The following TGFBR3 variants were observed in gnomAD, a reference collection of about 807,000 sequenced individuals.
TGFBR3 encodes transforming growth factor beta receptor type 3.
A neutral mutation model predicts 87.9 loss-of-function variants in TGFBR3; 46 were observed. The ratio of observed to expected loss-of-function variants is 0.52; its 90% CI spans 0.41 to 0.67. TGFBR3 has a LOEUF of 0.67. TGFBR3 is among the 30% of genes least tolerant of loss of function. TGFBR3 has a pLI of 0.00. For missense variants in TGFBR3, 866 were observed against 1,041.9 expected (o/e 0.83, Z 2.32); for synonymous variants, 381 against 391.6 (o/e 0.97, Z 0.32).
chr1:91,753,059 G>T (rs959667215), intron 4 of TGFBR3, among the ~76,000 whole-genome samples: 1 of 150,992 alleles, frequency 6.6e-6, no homozygotes, highest in Non-Finnish European at 1.5e-5. Flanking sequence ...AAAAAAATCA[G>T]GTACATGGAA....
intron 4 of TGFBR3, among the ~76,000 whole-genome samples, chr1:91,740,661 G>A (rs72714493): frequency 0.19 from 29,384 of 152,108 alleles, 3,327 homozygotes; most frequent in South Asian, 0.33. Flanking sequence ...CACTGTGCCC[G>A]GTCACAGGAT....
intron 15 of TGFBR3, among the ~76,000 whole-genome samples, chr1:91,697,666 T>A (rs982906232): frequency 1.3e-5 from 2 of 152,248 alleles, no homozygotes; most frequent in Non-Finnish European, 2.9e-5. Flanking sequence ...GTCTTGAAAG[T>A]ATAGCAATGA....
At chr1:91,810,002 T>G (rs1474246544) in intron 2 of TGFBR3, among the ~76,000 whole-genome samples, 1 of 152,036 alleles carries the variant, frequency 6.6e-6, no homozygotes. Context: ...AGACTGGGTC[T>G]TAGAGAGACA....
At chr1:91,781,961 C>A (rs1461505455) in intron 3 of TGFBR3, among the ~76,000 whole-genome samples, 4 of 152,154 alleles carry the variant, frequency 2.6e-5, no homozygotes, top group Non-Finnish European at 5.9e-5. Flanking sequence ...ACAAAAGATT[C>A]TTTTAGAAAA....
intron 4 of TGFBR3, among the ~76,000 whole-genome samples, chr1:91,745,824 A>G (rs978245547): frequency 6.6e-6 from 1 of 152,220 alleles, no homozygotes; most frequent in Non-Finnish European, 1.5e-5. Context: ...CTGTGAACCT[A>G]GGTTCATAAT....
chr1:91,813,843 T>C (rs894653303), intron 2 of TGFBR3, among the ~76,000 whole-genome samples: 3 of 152,216 alleles, frequency 2.0e-5, no homozygotes, highest in Admixed American at 6.5e-5. Context: ...GGTTTTGGGA[T>C]GGAACTGTTC....
At chr1:91,842,005 G>GT (rs1373620923) in intron 2 of TGFBR3, among the ~76,000 whole-genome samples, 1 of 151,536 alleles carries the variant, frequency 6.6e-6, no homozygotes, top group African/African-American at 2.4e-5. Flanking sequence ...AGAGGCTAAG[G>GT]TAAGAGGATC....
intron 14 of TGFBR3, among the ~76,000 whole-genome samples, chr1:91,702,084 G>A (rs1671638832): frequency 6.6e-6 from 1 of 152,128 alleles, no homozygotes; most frequent in South Asian, 2.1e-4. Context: ...CTACTAGCAT[G>A]TAGTGGGTAG....
chr1:91,681,982 T>A lies in TGFBR3; in HGVS notation c.*1757A>T. ...GGAAATCTAGAAATTTTTCAGTAGA[T>A]CAATGTAGATAGCCTGGAAATCTCA... On this transcript the variant is annotated 3_prime_UTR_variant, in exon 17 of 17. Transcript: ENST00000212355. 2.2e-6 allele frequency: 1 copy of A among 453,726 alleles called. No individual in the cohort carries two copies. Among genetic ancestry groups the A allele is most frequent in the Non-Finnish European group, 4.4e-6 (1 of 226,712 alleles). 28.1% of individuals were successfully genotyped at this position (453,726 alleles called of 1,614,324 possible).
chr1:91,696,332 G>A (rs1671433384), intron 15 of TGFBR3, among the ~76,000 whole-genome samples: 1 of 152,086 alleles, frequency 6.6e-6, no homozygotes, highest in Non-Finnish European at 1.5e-5. Context: ...CTATTCCTGT[G>A]GATTATAACA....
intron 4 of TGFBR3, among the ~76,000 whole-genome samples, chr1:91,756,790 T>C (rs1340869117): frequency 6.6e-6 from 1 of 152,220 alleles, no homozygotes; most frequent in Non-Finnish European, 1.5e-5. Flanking sequence ...TACAAAGGAC[T>C]CTACTATACC....
In TGFBR3 at chr1:91,777,107, AG is replaced by A. The variant is rs1390916290; in HGVS notation, c.247-18358del. Among the ~76,000 whole-genome samples, 5 of 152,314 alleles carry A rather than the reference AG, an allele frequency of 3.3e-5. No homozygotes were observed. The East Asian group carries it at 9.6e-4, about 29-fold the overall frequency. On this transcript the variant is annotated intron_variant, in intron 3 of 16. Coordinates refer to ENST00000212355, the MANE Select transcript of TGFBR3 (RefSeq NM_003243.5). ...GTACCTTCCAAAAAAATAGGAACAT[AG>A]GAAGTGCCAAAGCAAGGAACTGCTT...
chr1:91,829,562 T>C (rs1263213630), intron 2 of TGFBR3, among the ~76,000 whole-genome samples: 2 of 151,996 alleles, frequency 1.3e-5, no homozygotes, highest in Non-Finnish European at 2.9e-5. Context: ...ACCCAGAACA[T>C]AGCAGTCCCC....
chr1:91,737,831 C>A (rs1230394880), intron 4 of TGFBR3, among the ~76,000 whole-genome samples: 1 of 152,168 alleles, frequency 6.6e-6, no homozygotes, highest in Non-Finnish European at 1.5e-5. Flanking sequence ...TCAAGGTCTC[C>A]AGGTATGGTC....
In TGFBR3 at chr1:91,716,709, C is replaced by T; in HGVS notation, c.1567-1G>A. On this transcript the variant is annotated splice_acceptor_variant, in intron 10 of 16. Transcript: ENST00000212355. LOFTEE classifies it high-confidence loss of function. ...CAAGGGCTGGAACCTGTATCACAAT[C>T]TAAAAGGCAAAGAAAGCACAGCCAA... 1 of 1,614,120 alleles carries T rather than the reference C, an allele frequency of 6.2e-7. No homozygotes were observed. The highest frequency in any genetic ancestry group is 8.5e-7 in the Non-Finnish European group (1 of 1,180,020).
At chr1:91,796,541 G>T (rs1191720088) in intron 3 of TGFBR3, among the ~76,000 whole-genome samples, 1 of 152,124 alleles carries the variant, frequency 6.6e-6, no homozygotes, top group East Asian at 1.9e-4. Context: ...ACAAAGTACC[G>T]CCATCTTTAT....
intron 2 of TGFBR3, among the ~76,000 whole-genome samples, chr1:91,892,712 T>C (rs1679475124): frequency 6.6e-6 from 1 of 152,212 alleles, no homozygotes; most frequent in Non-Finnish European, 1.5e-5. Flanking sequence ...CTGTGCTTGA[T>C]TGTTTCGTAA....
chr1:91,900,383 G>A (rs1219212093), intron 1 of TGFBR3, among the ~76,000 whole-genome samples: 1 of 152,068 alleles, frequency 6.6e-6, no homozygotes, highest in Non-Finnish European at 1.5e-5. Flanking sequence ...CAAAGTGCTG[G>A]GATTACAGGT....
intron 14 of TGFBR3, among the ~76,000 whole-genome samples, chr1:91,698,455 A>G (rs1671504547): frequency 6.6e-6 from 1 of 150,760 alleles, no homozygotes; most frequent in Non-Finnish European, 1.5e-5. Context: ...AAAATTCAAT[A>G]CCTTTAAGTA....
Sources: gnomAD v4.1 joint callset for allele counts (sites outside exome capture counted in the v4.1 genomes callset) on GRCh38, gnomAD v4.1.1 for gene constraint, MANE v1.5 for transcripts, NCBI Gene and HGNC (gene_info 2026-07-23, HGNC 2026-07-21) for gene names.